The following CCDC186 variants were observed in gnomAD, a reference collection of about 807,000 sequenced individuals.
CCDC186 encodes the protein coiled-coil domain containing 186, also known as coiled-coil domain-containing protein 186.
Under a neutral mutation model 113.7 loss-of-function variants are expected in CCDC186, and 49 were observed. That is an observed-to-expected ratio of 0.43 (90% CI 0.34 to 0.55). The LOEUF (loss-of-function observed/expected upper bound fraction) is 0.55. Among genes scored for constraint, CCDC186 ranks in the 20% least tolerant of loss-of-function variants. The pLI, the probability that CCDC186 is intolerant of heterozygous loss-of-function variation, is 0.02. For synonymous variants in CCDC186, 355 were observed against 345.8 expected (o/e 1.03, Z -0.30); for missense variants, 890 against 1,011.1 (o/e 0.88, Z 1.62).
At position 114,122,719 on chromosome 10, in the gene CCDC186, A is replaced by G. The variant is rs1589604154; in HGVS notation, c.*2424T>C. On this transcript the variant is annotated 3_prime_UTR_variant, in exon 16 of 16. Transcript: ENST00000369287. ...GAGCTGTCTGTGAATTAGTATAGAG[A>G]TAAGTATCTCTGATACATGTAATTA... The G allele has an allele frequency of 6.6e-6, 1 of 152,236 alleles. No individual in the cohort carries two copies. The highest frequency in any genetic ancestry group is 1.9e-4 in the East Asian group (1 of 5,206). 9.4% of individuals were successfully genotyped at this position (152,236 alleles called of 1,614,324 possible).
rs1457624917 is a variant in CCDC186 at position 114,124,534 on chromosome 10, G to A, written c.*609C>T. ...AATCTGAAAAAATGTACCTAAAACAGATAAGAAAACCTGACAGAGGCAAAC... is the reference window on the plus strand; with the variant it reads ...AATCTGAAAAAATGTACCTAAAACAAATAAGAAAACCTGACAGAGGCAAAC... On this transcript the variant is annotated 3_prime_UTR_variant, in exon 16 of 16. Coordinates refer to ENST00000369287, the MANE Select transcript of CCDC186 (RefSeq NM_018017.4). The A allele has an allele frequency of 6.6e-6, 1 of 152,088 alleles. No homozygotes were observed. The highest frequency in any genetic ancestry group is 1.5e-5 in the Non-Finnish European group (1 of 67,992). 9.4% of individuals were successfully genotyped at this position (152,088 alleles called of 1,614,324 possible).
intron 15 of CCDC186, among the ~76,000 whole-genome samples, chr10:114,125,610 TAGCA>T (rs2030872614): frequency 1.3e-5 from 2 of 152,358 alleles, no homozygotes; most frequent in Non-Finnish European, 2.9e-5. Flanking sequence ...AAAATTATTT[TAGCA>T]ATCAAAACTA....
rs569005367 is a variant in CCDC186 at position 114,123,849 on chromosome 10, G to C, written c.*1294C>G. 6.6e-6 allele frequency: 1 copy of C among 152,204 alleles called. No homozygotes were observed. Among genetic ancestry groups the C allele is most frequent in the South Asian group, 2.1e-4 (1 of 4,832 alleles). The allele number at this position is 152,204 out of a possible 1,614,324, so 9.4% of individuals were successfully genotyped here. On this transcript the variant is annotated 3_prime_UTR_variant, in exon 16 of 16. Coordinates refer to ENST00000369287, the MANE Select transcript of CCDC186 (RefSeq NM_018017.4). ...ATATACTTATTTTAGGTATGTGTGA[G>C]GTTTTTTGTTTTAAGAGACAGGGTC...
At chr10:114,156,082 C>T (rs772890744) in intron 3 of CCDC186, among the ~76,000 whole-genome samples, 5 of 152,092 alleles carry the variant, frequency 3.3e-5, no homozygotes, top group Non-Finnish European at 7.4e-5. Flanking sequence ...ACCTGACTAC[C>T]GAAATATGGA....
chr10:114,129,326 G>C (rs1433013395), intron 13 of CCDC186, among the ~76,000 whole-genome samples: 1 of 136,624 alleles, frequency 7.3e-6, no homozygotes, highest in African/African-American at 2.8e-5. Context: ...AAAAAAAAAA[G>C]AAAGAAAAAG....
intron 1 of CCDC186, among the ~76,000 whole-genome samples, chr10:114,171,742 G>A (rs1027054921): frequency 6.6e-6 from 1 of 152,162 alleles, no homozygotes; most frequent in Non-Finnish European, 1.5e-5. Context: ...TATGTAGTAA[G>A]TGCGGTAGAC....
intron 6 of CCDC186, among the ~76,000 whole-genome samples, chr10:114,142,231 TATC>T (rs914029260): frequency 4.6e-5 from 7 of 152,146 alleles, no homozygotes; most frequent in African/African-American, 1.7e-4. Context: ...GTACAGAACA[TATC>T]ATAAAATACA....
In CCDC186 at chr10:114,145,775, ATTAC is replaced by A. The variant is rs1281453728; in HGVS notation, c.889-18_889-15del. The A allele has an allele frequency of 2.6e-6, 4 of 1,556,882 alleles. No individual in the cohort carries two copies. The highest frequency in any genetic ancestry group is 1.2e-5 in the South Asian group (1 of 81,884). ...TTTCTTGTTGGCCTTCAAAAAAAAT[ATTAC>A]TTAGCATTAATGAAAAATAATGTTT... is the stretch of plus-strand genomic sequence containing the variant. On this transcript the variant is annotated splice_polypyrimidine_tract_variant and intron_variant, in intron 4 of 15. Coordinates refer to ENST00000369287, the MANE Select transcript of CCDC186 (RefSeq NM_018017.4).
intron 4 of CCDC186, among the ~76,000 whole-genome samples, chr10:114,147,854 T>A (rs959342031): frequency 6.6e-6 from 1 of 152,082 alleles, no homozygotes; most frequent in African/African-American, 2.4e-5. Flanking sequence ...CTTGGCTGGA[T>A]GCAAGGAGTC....
intron 1 of CCDC186, among the ~76,000 whole-genome samples, chr10:114,167,799 T>TG (rs754034299): frequency 1.4e-5 from 1 of 71,296 alleles, no homozygotes; most frequent in Non-Finnish European, 2.6e-5. Flanking sequence ...CTAATCTCCG[T>TG]AAAAAAAAAA....
At chr10:114,145,482 A>C in intron 5 of CCDC186, 67 bp downstream of exon 5, 1 of 1,311,444 alleles carries the variant, frequency 7.6e-7, no homozygotes, top group East Asian at 2.5e-5. Flanking sequence ...TATTTGATTA[A>C]ATATGGAAAA....
intron 5 of CCDC186, 56 bp from the exon 6 acceptor site, chr10:114,144,672 C>T (rs147787551): frequency 0.015 from 21,956 of 1,441,104 alleles, 449 homozygotes; most frequent in Admixed American, 0.11. Flanking sequence ...TTAATTATAT[C>T]TTTTATATTC....
Position 114,122,813 on chromosome 10 carries a change from ATT to A in CCDC186, c.*2328_*2329del, listed in dbSNP as rs1422833258. On this transcript the variant is annotated 3_prime_UTR_variant, in exon 16 of 16. Coordinates refer to ENST00000369287, the MANE Select transcript of CCDC186 (RefSeq NM_018017.4). ...GTGAAGAACAGAAGAAAACTAAAGC[ATT>A]TTCTTTAAAAAATTTCCAGTTTCTA... The A allele has an allele frequency of 6.6e-6, 1 of 152,180 alleles. No homozygotes were observed. The highest frequency in any genetic ancestry group is 2.4e-5 in the African/African-American group (1 of 41,448). 9.4% of individuals were successfully genotyped at this position (152,180 alleles called of 1,614,324 possible).
intron 1 of CCDC186, among the ~76,000 whole-genome samples, chr10:114,167,148 G>A (rs192859740): frequency 0.014 from 2,061 of 151,326 alleles, 52 homozygotes; most frequent in African/African-American, 0.047. Context: ...AGCCTCCCAA[G>A]TAGCTGGGAT....
intron 14 of CCDC186, among the ~76,000 whole-genome samples, chr10:114,126,696 T>C (rs537987119): frequency 6.6e-6 from 1 of 152,360 alleles, no homozygotes; most frequent in South Asian, 2.1e-4. Flanking sequence ...ATATTTTCTG[T>C]TTTCCTCTTA....
At chr10:114,163,406 T>A in intron 1 of CCDC186, 77 bp from the exon 2 acceptor site, 1 of 1,176,142 alleles carries the variant, frequency 8.5e-7, no homozygotes, top group Non-Finnish European at 1.2e-6. Context: ...CTCTGTGATG[T>A]GGAATAACTA....
intron 1 of CCDC186, among the ~76,000 whole-genome samples, chr10:114,165,369 C>T (rs1284286646): frequency 6.6e-6 from 1 of 152,228 alleles, no homozygotes; most frequent in Non-Finnish European, 1.5e-5. Context: ...CTGCCACCTA[C>T]ATTACCTCAC....
chr10:114,142,134 C>A (rs1028918716), intron 6 of CCDC186, among the ~76,000 whole-genome samples: 6 of 152,136 alleles, frequency 3.9e-5, no homozygotes, highest in Non-Finnish European at 8.8e-5. Context: ...AGTAAACAAA[C>A]CATTTAAGAA....
chr10:114,155,895 T>C (rs1451830734), intron 3 of CCDC186, among the ~76,000 whole-genome samples: 1 of 152,142 alleles, frequency 6.6e-6, no homozygotes, highest in African/African-American at 2.4e-5. Context: ...TCAATAGCTA[T>C]ATGCAGCTGG....
Sources: allele counts gnomAD v4.1 joint callset (sites outside exome capture counted in the v4.1 genomes callset), GRCh38; gene constraint gnomAD v4.1.1; transcripts MANE v1.5; gene names NCBI Gene and HGNC (gene_info 2026-07-23, HGNC 2026-07-21).